Variants in EPHB1 observed in about 807,000 individuals in gnomAD.
The protein encoded by EPHB1 is ephrin type-B receptor 1.
Under a neutral mutation model 94.4 loss-of-function variants are expected in EPHB1, and 30 were observed. The observed-to-expected ratio is 0.32, with a 90% CI of 0.24 to 0.43. EPHB1 has a LOEUF of 0.43. EPHB1 is among the 20% of genes least tolerant of loss of function. EPHB1 has a pLI of 1.00. For missense variants in EPHB1, 1,055 were observed against 1,308.3 expected, an observed-to-expected ratio of 0.81 and a Z score of 2.99; for synonymous variants, 522 against 489.1, an observed-to-expected ratio of 1.07 and a Z score of -0.89.
intron 1 of EPHB1, among the ~76,000 whole-genome samples, chr3:134,881,916 T>C (rs1560279933): frequency 6.6e-6 from 1 of 152,044 alleles, no homozygotes. Context: ...CAAATGGAAA[T>C]AAGGGTTCAC....
chr3:135,074,059 T>A (rs1278039976), intron 3 of EPHB1, among the ~76,000 whole-genome samples: 10 of 152,224 alleles, frequency 6.6e-5, no homozygotes, highest in Admixed American at 6.5e-4. Flanking sequence ...GATCCAGTCT[T>A]TCATTAGGGT....
At chr3:135,110,048 G>A (rs553256239) in intron 4 of EPHB1, among the ~76,000 whole-genome samples, 6 of 152,302 alleles carry the variant, frequency 3.9e-5, no homozygotes, top group African/African-American at 1.4e-4. Context: ...CTAGTTTACT[G>A]GGGGACGAAA....
chr3:135,235,991 G>A (rs1943642592), intron 12 of EPHB1, among the ~76,000 whole-genome samples: 1 of 152,156 alleles, frequency 6.6e-6, no homozygotes, highest in Admixed American at 6.5e-5. Flanking sequence ...TGCCACCTAG[G>A]AACTTAACAG....
chr3:135,020,746 C>T (rs1407064341), intron 3 of EPHB1, among the ~76,000 whole-genome samples: 3 of 152,120 alleles, frequency 2.0e-5, no homozygotes, highest in African/African-American at 7.2e-5. Context: ...ATATTTTCTG[C>T]TAATTTTTTT....
chr3:134,972,578 A>G (rs983725009), intron 3 of EPHB1, among the ~76,000 whole-genome samples: 1 of 143,698 alleles, frequency 7.0e-6, no homozygotes, highest in African/African-American at 2.5e-5. Context: ...TTAAATATAT[A>G]TAATGTATAT....
intron 15 of EPHB1, among the ~76,000 whole-genome samples, chr3:135,258,334 G>A (rs1933506899): frequency 6.6e-6 from 1 of 152,170 alleles, no homozygotes; most frequent in South Asian, 2.1e-4. Flanking sequence ...TATGGCACGT[G>A]GGATGCATTC....
intron 3 of EPHB1, among the ~76,000 whole-genome samples, chr3:135,087,990 G>A (rs1938420099): frequency 6.6e-6 from 1 of 152,190 alleles, no homozygotes; most frequent in Admixed American, 6.5e-5. Context: ...AATTCAGGCA[G>A]GCAGGAACTC....
chr3:134,990,400 T>C (rs1030378341), intron 3 of EPHB1, among the ~76,000 whole-genome samples: 5 of 152,226 alleles, frequency 3.3e-5, no homozygotes, highest in Non-Finnish European at 5.9e-5. Context: ...TTTGTTTGTT[T>C]GTTAGTTTTT....
Position 135,031,219 on chromosome 3 carries a change from G to C in EPHB1, c.806-75229G>C, listed in dbSNP as rs748732475. On this transcript the variant is annotated intron_variant, in intron 3 of 15. Coordinates refer to ENST00000398015, the MANE Select transcript of EPHB1 (RefSeq NM_004441.5). The stretch of plus-strand genomic sequence containing the variant: ...AGGCTGAGAGCTGTAGACTGGAGCT[G>C]TTCCTATTCGGCCCTCTTGGCTCCT... Among the ~76,000 whole-genome samples, 3 of 152,338 alleles carry C rather than the reference G, an allele frequency of 2.0e-5. No individual in the cohort carries two copies. In the East Asian group the frequency reaches 5.8e-4, roughly 29 times the overall value.
chr3:134,844,479 C>T (rs1222332403), intron 1 of EPHB1, among the ~76,000 whole-genome samples: 3 of 152,174 alleles, frequency 2.0e-5, no homozygotes, highest in Non-Finnish European at 4.4e-5. Context: ...ATACACTTGC[C>T]CCAGTCATGC....
At chr3:134,905,916 T>A (rs1259283624) in intron 1 of EPHB1, among the ~76,000 whole-genome samples, 1 of 152,220 alleles carries the variant, frequency 6.6e-6, no homozygotes, top group Admixed American at 6.5e-5. Flanking sequence ...TTCACTCCTC[T>A]GCCACCTGAT....
At chr3:135,100,010 C>T (rs1287102649) in intron 3 of EPHB1, among the ~76,000 whole-genome samples, 1 of 152,178 alleles carries the variant, frequency 6.6e-6, no homozygotes, top group Non-Finnish European at 1.5e-5. Context: ...GAGAAAAAGG[C>T]ACCCAGTTCT....
At chr3:135,241,660 C>T (rs900912356) in intron 13 of EPHB1, among the ~76,000 whole-genome samples, 15 of 152,186 alleles carry the variant, frequency 9.9e-5, no homozygotes, top group South Asian at 6.2e-4. Context: ...TCCCTGTGAA[C>T]GACAGAGGGG....
At chr3:134,929,556 C>T (rs1406570322) in intron 2 of EPHB1, among the ~76,000 whole-genome samples, 1 of 152,112 alleles carries the variant, frequency 6.6e-6, no homozygotes, top group African/African-American at 2.4e-5. Flanking sequence ...ACTGAAGGGG[C>T]CAGGGGCTGA....
chr3:134,918,716 C>T (rs538217188), intron 1 of EPHB1, among the ~76,000 whole-genome samples: 5 of 152,330 alleles, frequency 3.3e-5, no homozygotes, highest in Non-Finnish European at 7.3e-5. Context: ...CTTCATAACA[C>T]TCCAGGCGTG....
intron 4 of EPHB1, among the ~76,000 whole-genome samples, chr3:135,114,476 C>A (rs55723894): frequency 0.14 from 18,105 of 129,384 alleles, 1,645 homozygotes; most frequent in African/African-American, 0.29. Flanking sequence ...CCAAGGCAGG[C>A]AAATCATGAG....
intron 11 of EPHB1, among the ~76,000 whole-genome samples, chr3:135,199,909 A>T (rs139435046): frequency 6.6e-6 from 1 of 152,368 alleles, no homozygotes; most frequent in East Asian, 1.9e-4. Flanking sequence ...ATTGTGTAAC[A>T]TCTCGCATAC....
chr3:135,252,150 C>T (rs1023232515), intron 15 of EPHB1, among the ~76,000 whole-genome samples: 3 of 151,220 alleles, frequency 2.0e-5, no homozygotes, highest in African/African-American at 7.3e-5. Context: ...AAAATTGTTA[C>T]TGTTAAATTT....
chr3:135,187,901 T>C (rs1355241457), intron 10 of EPHB1, among the ~76,000 whole-genome samples: 1 of 152,174 alleles, frequency 6.6e-6, no homozygotes, highest in Non-Finnish European at 1.5e-5. Context: ...TACTTCTGTT[T>C]TGTCTTTTTA....
Sources: gnomAD v4.1 joint callset for allele counts (sites outside exome capture counted in the v4.1 genomes callset) on GRCh38, gnomAD v4.1.1 for gene constraint, MANE v1.5 for transcripts, NCBI Gene and HGNC (gene_info 2026-07-23, HGNC 2026-07-21) for gene names.